TNR: variants seen among roughly 807,000 people sequenced by gnomAD.
The protein encoded by TNR is tenascin R.
In TNR, 45 loss-of-function variants were observed where a neutral mutation model predicts 150.4. The observed-to-expected ratio is 0.30, with a 90% CI of 0.24 to 0.38. TNR has a LOEUF of 0.38. TNR is among the 10% of genes least tolerant of loss of function. The probability of loss-of-function intolerance (pLI) is 1.00; values close to 1 mark genes in which losing one functional copy is unlikely to be tolerated. For synonymous variants in TNR, 687 were observed against 678.4 expected (o/e 1.01, Z -0.20); for missense variants, 1,544 against 1,759.1 (o/e 0.88, Z 2.19).
intron 1 of TNR, among the ~76,000 whole-genome samples, chr1:175,638,242 C>T (rs74127380): frequency 6.6e-6 from 1 of 152,202 alleles, no homozygotes; most frequent in Non-Finnish European, 1.5e-5. Flanking sequence ...TACAACTCTG[C>T]TCTTGTTCAA....
At chr1:175,574,713 G>A (rs1411018967) in intron 1 of TNR, among the ~76,000 whole-genome samples, 2 of 152,126 alleles carry the variant, frequency 1.3e-5, no homozygotes, top group Non-Finnish European at 2.9e-5. Flanking sequence ...GGTGCAGAAG[G>A]CAATACACCT....
In TNR at chr1:175,365,782, T is replaced by C. The variant is rs374665023; in HGVS notation, c.2317+93A>G. ...CCACCTCTCTTTTCTCCAAAGGAAA[T>C]GGAACATTGGAAGAGTGACTTGCCT... On this transcript the variant is annotated intron_variant, in intron 11 of 22. Coordinates refer to ENST00000367674, the MANE Select transcript of TNR (RefSeq NM_003285.3). The C allele has an allele frequency of 2.3e-5, 34 of 1,509,938 alleles. No homozygotes were observed. In the East Asian group the frequency reaches 3.4e-4, roughly 15 times the overall value. The allele number at this position is 1,509,938 out of a possible 1,614,324, so 93.5% of individuals were successfully genotyped here. A position where few individuals can be genotyped will look rare whatever the true frequency, so the allele number is the denominator to read the frequency against.
intron 1 of TNR, among the ~76,000 whole-genome samples, chr1:175,702,562 A>G (rs955527055): frequency 1.1e-4 from 17 of 152,184 alleles, no homozygotes; most frequent in Admixed American, 2.6e-4. Context: ...CCCATGCTGA[A>G]ATGGGGTAAA....
chr1:175,485,747 T>A (rs1469570500), intron 2 of TNR, among the ~76,000 whole-genome samples: 2 of 152,180 alleles, frequency 1.3e-5, no homozygotes, highest in African/African-American at 4.8e-5. Context: ...TTTAGTATAA[T>A]GTTTATTTAT....
At chr1:175,546,400 C>T (rs570875482) in intron 1 of TNR, among the ~76,000 whole-genome samples, 145 of 152,276 alleles carry the variant, frequency 9.5e-4, no homozygotes, top group African/African-American at 3.4e-3. Context: ...GTGTAGCGGC[C>T]ATCAAGCAAG....
At chr1:175,529,170 G>A (rs1659968392) in intron 1 of TNR, among the ~76,000 whole-genome samples, 1 of 152,134 alleles carries the variant, frequency 6.6e-6, no homozygotes, top group South Asian at 2.1e-4. Flanking sequence ...ATGCCTTCAA[G>A]GGCTTGCTTC....
At chr1:175,372,061 G>A (rs977352907) in intron 9 of TNR, among the ~76,000 whole-genome samples, 2 of 152,152 alleles carry the variant, frequency 1.3e-5, no homozygotes, top group Non-Finnish European at 2.9e-5. Flanking sequence ...GAGTTCTCGT[G>A]AGATCTGGTT....
chr1:175,737,192 G>A (rs1667795835), intron 1 of TNR, among the ~76,000 whole-genome samples: 1 of 152,178 alleles, frequency 6.6e-6, no homozygotes, highest in South Asian at 2.1e-4. Context: ...TTTATAAAAT[G>A]TGAGCGCTTT....
At chr1:175,739,498 G>GCA (rs372705861) in intron 1 of TNR, among the ~76,000 whole-genome samples, 7 of 149,826 alleles carry the variant, frequency 4.7e-5, no homozygotes, top group East Asian at 1.9e-4. Flanking sequence ...GCACACACAT[G>GCA]CACACACACA....
chr1:175,698,386 G>A (rs1435689406), intron 1 of TNR, among the ~76,000 whole-genome samples: 6 of 152,168 alleles, frequency 3.9e-5, no homozygotes, highest in Admixed American at 3.9e-4. Context: ...ATTCAGCAGT[G>A]GGGAAAGAGG....
At chr1:175,367,810 C>CT (rs528262083) in intron 9 of TNR, among the ~76,000 whole-genome samples, 16 of 152,160 alleles carry the variant, frequency 1.1e-4, no homozygotes, top group African/African-American at 3.6e-4. Context: ...AGTGGATGGA[C>CT]TTTTTTTTCT....
intron 1 of TNR, among the ~76,000 whole-genome samples, chr1:175,707,769 C>G (rs1331767493): frequency 2.0e-5 from 3 of 152,156 alleles, no homozygotes; most frequent in Non-Finnish European, 4.4e-5. Flanking sequence ...TAGGCAATCT[C>G]CTGAGGCACT....
At chr1:175,414,793 G>C (rs1375511164) in intron 2 of TNR, among the ~76,000 whole-genome samples, 2 of 152,204 alleles carry the variant, frequency 1.3e-5, no homozygotes, top group Non-Finnish European at 2.9e-5. Context: ...ACTTTTGAGG[G>C]ACTGGGAGGA....
chr1:175,683,177 T>C (rs1311040721), intron 1 of TNR, among the ~76,000 whole-genome samples: 1 of 152,154 alleles, frequency 6.6e-6, no homozygotes, highest in Non-Finnish European at 1.5e-5. Flanking sequence ...CCAGCTTCCA[T>C]GCCCTTCTCT....
chr1:175,696,786 G>A (rs1473851462), intron 1 of TNR, among the ~76,000 whole-genome samples: 1 of 151,728 alleles, frequency 6.6e-6, no homozygotes, highest in African/African-American at 2.4e-5. Flanking sequence ...GGCTGAGGGA[G>A]GAAAATTGTT....
At chr1:175,474,633 G>A (rs1657466744) in intron 2 of TNR, among the ~76,000 whole-genome samples, 2 of 152,242 alleles carry the variant, frequency 1.3e-5, no homozygotes, top group South Asian at 4.1e-4. Flanking sequence ...AAGGGCATGA[G>A]AGGGCATCCG....
intron 2 of TNR, among the ~76,000 whole-genome samples, chr1:175,438,111 T>C (rs144009780): frequency 0.079 from 11,994 of 152,238 alleles, 635 homozygotes; most frequent in South Asian, 0.13. Flanking sequence ...TTGATGAACA[T>C]TGATGCAAAA....
Position 175,406,499 on chromosome 1 carries a change from GTT to G in TNR, c.214_215del (p.Asn72ArgfsTer16). 1 of 1,614,152 alleles carries G rather than the reference GTT, an allele frequency of 6.2e-7. No individual in the cohort carries two copies. The highest frequency in any genetic ancestry group is 8.5e-7 in the Non-Finnish European group (1 of 1,180,026). The stretch of plus-strand genomic sequence containing the variant: ...AGGAGCAGAGGTTGTCCAAGGGCAC[GTT>G]AATGTTGTACACGTGGTTGAAGACC... ...PVVFNHVYNI[N>X]VPLDNLCSSG... is the part of the protein sequence containing the mutation. On this transcript the variant is annotated frameshift_variant, in exon 3 of 23. Coordinates refer to ENST00000367674, the MANE Select transcript of TNR (RefSeq NM_003285.3). LOFTEE classifies it high-confidence loss of function.
chr1:175,651,273 G>A (rs1424696867), intron 1 of TNR, among the ~76,000 whole-genome samples: 2 of 150,256 alleles, frequency 1.3e-5, no homozygotes, highest in East Asian at 4.0e-4. Flanking sequence ...TAGGCTTTTG[G>A]GATCAAGAGA....
Sources: allele counts gnomAD v4.1 joint callset (sites outside exome capture counted in the v4.1 genomes callset), GRCh38; gene constraint gnomAD v4.1.1; transcripts MANE v1.5; gene names NCBI Gene and HGNC (gene_info 2026-07-23, HGNC 2026-07-21).